The following CDH12 variants were observed in gnomAD, a reference collection of about 807,000 sequenced individuals.
The protein encoded by CDH12 is cadherin 12, also known as cadherin-12.
In CDH12, 41 loss-of-function variants were observed where a neutral mutation model predicts 74.1. The ratio of observed to expected loss-of-function variants is 0.55; its 90% CI spans 0.43 to 0.72. CDH12 has a LOEUF of 0.72. Ranked by LOEUF, CDH12 falls within the 30% of genes least tolerant of loss-of-function variation. CDH12 has a pLI of 0.00. For synonymous variants in CDH12, 399 were observed against 355.0 expected (o/e 1.12, Z -1.39); for missense variants, 945 against 977.2 (o/e 0.97, Z 0.44).
rs1163447308 is a variant in CDH12 at position 22,302,481 on chromosome 5, G to A, written c.-332-89838C>T. On this transcript the variant is annotated intron_variant, in intron 3 of 14. Transcript: ENST00000382254. ...TTCCAGGAAGTGGGTATTGAATTCC[G>A]CCTTGGATAGGTTGAATTTAAACCG... Among the ~76,000 whole-genome samples, 4 of 152,212 alleles carry A rather than the reference G, an allele frequency of 2.6e-5. No individual in the cohort carries two copies. The East Asian group carries it at 5.8e-4, about 22-fold the overall frequency.
intron 1 of CDH12, among the ~76,000 whole-genome samples, chr5:22,525,656 C>T (rs1264007348): frequency 6.6e-6 from 1 of 152,154 alleles, no homozygotes; most frequent in Non-Finnish European, 1.5e-5. Context: ...ATTTTTCTCT[C>T]TTTCTCCCCA....
intron 6 of CDH12, among the ~76,000 whole-genome samples, chr5:21,880,652 TTTCTTTC>T (rs1752281590): frequency 7.5e-6 from 1 of 133,636 alleles, no homozygotes; most frequent in Non-Finnish European, 1.6e-5. Context: ...TCTTTCTTTC[TTTCTTTC>T]TTTCTTTCTT....
intron 2 of CDH12, among the ~76,000 whole-genome samples, chr5:22,410,315 T>A (rs761839857): frequency 1.0e-3 from 153 of 152,120 alleles, no homozygotes; most frequent in Non-Finnish European, 3.2e-4. Flanking sequence ...ACATTCCCTC[T>A]GCCTTTCTGT....
At chr5:22,642,254 C>T (rs2126872075) in intron 1 of CDH12, among the ~76,000 whole-genome samples, 1 of 152,262 alleles carries the variant, frequency 6.6e-6, no homozygotes, top group Non-Finnish European at 1.5e-5. Context: ...GATTAGCTGT[C>T]TTGAGCTAAA....
intron 2 of CDH12, among the ~76,000 whole-genome samples, chr5:22,486,453 T>G (rs1746601712): frequency 6.6e-6 from 1 of 150,410 alleles, no homozygotes; most frequent in African/African-American, 2.4e-5. Flanking sequence ...GTAATTTTTT[T>G]TTTTTTTTTT....
At chr5:22,478,008 T>C (rs1369148580) in intron 2 of CDH12, among the ~76,000 whole-genome samples, 2 of 152,216 alleles carry the variant, frequency 1.3e-5, no homozygotes, top group East Asian at 3.8e-4. Context: ...GCACTTTTAA[T>C]CCAAGTAGGG....
At chr5:22,496,100 G>A (rs1747096404) in intron 2 of CDH12, among the ~76,000 whole-genome samples, 1 of 152,126 alleles carries the variant, frequency 6.6e-6, no homozygotes, top group Admixed American at 6.5e-5. Context: ...GGGAAATGGA[G>A]AGGTTAAGTA....
chr5:22,593,577 G>A (rs1186773966), intron 1 of CDH12, among the ~76,000 whole-genome samples: 1 of 151,948 alleles, frequency 6.6e-6, no homozygotes, highest in Non-Finnish European at 1.5e-5. Context: ...AAAATTACAT[G>A]ACTGTATTTT....
intron 1 of CDH12, among the ~76,000 whole-genome samples, chr5:22,761,952 C>T (rs945572696): frequency 6.6e-6 from 1 of 151,542 alleles, no homozygotes; most frequent in Non-Finnish European, 1.5e-5. Flanking sequence ...CACACACACA[C>T]ACAATCACAC....
At chr5:22,005,404 T>A (rs1295117282) in intron 5 of CDH12, among the ~76,000 whole-genome samples, 1 of 152,182 alleles carries the variant, frequency 6.6e-6, no homozygotes, top group African/African-American at 2.4e-5. Flanking sequence ...GTAGATTTCA[T>A]GACTTTCCTA....
At chr5:22,628,005 A>G (rs1056720197) in intron 1 of CDH12, among the ~76,000 whole-genome samples, 2 of 152,156 alleles carry the variant, frequency 1.3e-5, no homozygotes, top group African/African-American at 4.8e-5. Flanking sequence ...AACACAAAGA[A>G]GGGTATTACA....
At chr5:21,915,490 T>C (rs1388329735) in intron 6 of CDH12, among the ~76,000 whole-genome samples, 1 of 152,184 alleles carries the variant, frequency 6.6e-6, no homozygotes, top group Non-Finnish European at 1.5e-5. Flanking sequence ...CACTTGGAGA[T>C]CACATTAGTA....
At chr5:22,652,660 A>G (rs1449900862) in intron 1 of CDH12, among the ~76,000 whole-genome samples, 1 of 152,204 alleles carries the variant, frequency 6.6e-6, no homozygotes, top group African/African-American at 2.4e-5. Context: ...GCAGATATCA[A>G]ATATAGACTT....
chr5:21,818,916 A>T (rs902755968), intron 8 of CDH12, among the ~76,000 whole-genome samples: 3 of 152,016 alleles, frequency 2.0e-5, no homozygotes, highest in Non-Finnish European at 4.4e-5. Flanking sequence ...AAGTCACATT[A>T]ATTGATCAAA....
chr5:22,429,515 A>G (rs1744079394), intron 2 of CDH12, among the ~76,000 whole-genome samples: 1 of 152,098 alleles, frequency 6.6e-6, no homozygotes, highest in Non-Finnish European at 1.5e-5. Context: ...TATTTTAGCT[A>G]TTACTAGTTA....
In CDH12 at chr5:21,843,518, C is replaced by CT. The variant is rs5866528; in HGVS notation, c.647-1191dup. ...CTTTATTTATCAATTTGTACTGACA[C>CT]TTTTTTTTTTTTTGAGGCAGAGTTT... On this transcript the variant is annotated intron_variant, in intron 7 of 14. Transcript: ENST00000382254. Among the ~76,000 whole-genome samples the CT allele has an allele frequency of 7.5e-3, 1,086 of 145,022 alleles. 10 individuals are homozygous for CT. The highest frequency in any genetic ancestry group is 0.014 in the African/African-American group (563 of 39,562).
chr5:22,575,614 G>A (rs1287517533), intron 1 of CDH12, among the ~76,000 whole-genome samples: 1 of 152,022 alleles, frequency 6.6e-6, no homozygotes, highest in African/African-American at 2.4e-5. Flanking sequence ...TCCTAGGCAG[G>A]AGTGCACTGT....
At chr5:22,336,222 G>T (rs1245684849) in intron 3 of CDH12, among the ~76,000 whole-genome samples, 1 of 152,184 alleles carries the variant, frequency 6.6e-6, no homozygotes, top group Non-Finnish European at 1.5e-5. Flanking sequence ...TGACTTGGGT[G>T]CTGTGAGAAT....
intron 5 of CDH12, among the ~76,000 whole-genome samples, chr5:21,993,050 C>T (rs1010757062): frequency 2.2e-4 from 34 of 151,996 alleles, no homozygotes; most frequent in African/African-American, 8.2e-4. Flanking sequence ...ACTATCAGAA[C>T]GATGAGGGGG....
Sources: gnomAD v4.1 joint callset for allele counts (sites outside exome capture counted in the v4.1 genomes callset) on GRCh38, gnomAD v4.1.1 for gene constraint, MANE v1.5 for transcripts, NCBI Gene and HGNC (gene_info 2026-07-23, HGNC 2026-07-21) for gene names.